The following SUGCT variants were observed in gnomAD, a reference collection of about 807,000 sequenced individuals.
SUGCT encodes the protein succinyl-CoA:glutarate CoA-transferase.
A neutral mutation model predicts 55.0 loss-of-function variants in SUGCT; 41 were observed. That is an observed-to-expected ratio of 0.74 (90% CI 0.58 to 0.97). The LOEUF (loss-of-function observed/expected upper bound fraction) is 0.97, where lower values mean the gene tolerates loss of function less well. Among genes scored for constraint, SUGCT ranks in the 50% least tolerant of loss-of-function variants. The pLI is 0.00. For synonymous variants in SUGCT, 187 were observed against 200.4 expected (o/e 0.93, Z 0.56); for missense variants, 568 against 547.8 (o/e 1.04, Z -0.37).
At chr7:40,249,690 C>CT (rs1275176414) in intron 7 of SUGCT, among the ~76,000 whole-genome samples, 1 of 152,012 alleles carries the variant, frequency 6.6e-6, no homozygotes, top group Non-Finnish European at 1.5e-5. Flanking sequence ...CATGACACTG[C>CT]TTAAATATAT....
chr7:40,968,860 A>C, the SUGCT span, among the ~76,000 whole-genome samples: 1 of 152,138 alleles, frequency 6.6e-6, no homozygotes, highest in East Asian at 1.9e-4. Flanking sequence ...TGGCACCCAG[A>C]CCCCACAGAC....
chr7:40,381,545 T>C (rs1395648566), intron 9 of SUGCT, among the ~76,000 whole-genome samples: 1 of 152,122 alleles, frequency 6.6e-6, no homozygotes. Context: ...TGACTCGTGG[T>C]TCCGAAAAAA....
chr7:40,415,775 A>G (rs909133138), intron 9 of SUGCT, among the ~76,000 whole-genome samples: 51 of 152,110 alleles, frequency 3.4e-4, no homozygotes, highest in African/African-American at 1.1e-3. Flanking sequence ...AGAATTCTAC[A>G]TGGAATATAT....
At chr7:41,018,515 C>T in the SUGCT span, among the ~76,000 whole-genome samples, 1 of 152,186 alleles carries the variant, frequency 6.6e-6, no homozygotes, top group African/African-American at 2.4e-5. Context: ...AGAGATTTAT[C>T]CTAAAACCAA....
intron 11 of SUGCT, among the ~76,000 whole-genome samples, chr7:40,464,171 TTC>T (rs1789970050): frequency 6.6e-6 from 1 of 152,174 alleles, no homozygotes; most frequent in Non-Finnish European, 1.5e-5. Context: ...ATTTATTTTA[TTC>T]TCTCTCTCTT....
chr7:40,219,332 C>T (rs1377350314), intron 6 of SUGCT, among the ~76,000 whole-genome samples: 2 of 152,164 alleles, frequency 1.3e-5, no homozygotes, highest in Admixed American at 6.5e-5. Context: ...CAAGAACCCA[C>T]CAATTCCGGA....
At chr7:40,362,498 A>C (rs916121804) in intron 9 of SUGCT, among the ~76,000 whole-genome samples, 1 of 152,064 alleles carries the variant, frequency 6.6e-6, no homozygotes, top group African/African-American at 2.4e-5. Context: ...CAGCACCATC[A>C]ACCTGCTGTG....
chr7:40,935,362 A>T, the SUGCT span, among the ~76,000 whole-genome samples: 1 of 152,186 alleles, frequency 6.6e-6, no homozygotes, highest in Non-Finnish European at 1.5e-5. Flanking sequence ...CATTTTCATC[A>T]TCCCCCAAAG....
At chr7:40,538,235 G>T (rs1409026399) in intron 12 of SUGCT, 1 of 152,078 alleles carries the variant, frequency 6.6e-6, no homozygotes, top group Non-Finnish European at 1.5e-5. Context: ...TACAGTAAAG[G>T]TAATGAACAT....
intron 6 of SUGCT, among the ~76,000 whole-genome samples, chr7:40,209,640 C>T (rs1787214742): frequency 2.0e-5 from 3 of 152,038 alleles, no homozygotes; most frequent in Non-Finnish European, 4.4e-5. Context: ...CTACTAAATA[C>T]AAAAAATTAT....
At chr7:40,651,042 G>T (rs1344714693) in intron 12 of SUGCT, among the ~76,000 whole-genome samples, 1 of 152,140 alleles carries the variant, frequency 6.6e-6, no homozygotes, top group Non-Finnish European at 1.5e-5. Flanking sequence ...CCTGCAAAAG[G>T]ACATGATCTC....
chr7:40,856,932 A>G (rs1324791919), intron 13 of SUGCT, among the ~76,000 whole-genome samples: 1 of 152,152 alleles, frequency 6.6e-6, no homozygotes, highest in East Asian at 1.9e-4. Flanking sequence ...TTATTTTTAC[A>G]TACATTTCTT....
At position 40,245,437 on chromosome 7, in the gene SUGCT, T is replaced by TATTA. The variant is rs1307501337; in HGVS notation, c.576+7711_576+7712insATTA. 1.4e-4 allele frequency among the ~76,000 whole-genome samples: 8 copies of TATTA among 56,510 alleles called. 2 individuals are homozygous for TATTA. Among genetic ancestry groups the TATTA allele is most frequent in the Non-Finnish European group, 2.8e-4 (8 of 28,950 alleles). The allele number at this position is 56,510 out of a possible 152,430, so 37.1% of individuals were successfully genotyped here. On this transcript the variant is annotated intron_variant, in intron 7 of 13. Coordinates refer to ENST00000335693, the MANE Select transcript of SUGCT (RefSeq NM_001193313.2). ...TATATATATATATTTTTTTTTTTTT[T>TATTA]TTTTTTTTTTTTTTTTTTTTGAGAT...
At chr7:40,238,113 C>T (rs1318099365) in intron 7 of SUGCT, among the ~76,000 whole-genome samples, 1 of 152,014 alleles carries the variant, frequency 6.6e-6, no homozygotes, top group Non-Finnish European at 1.5e-5. Flanking sequence ...TAGACTAGAC[C>T]ACGGATGTCC....
At chr7:41,010,972 A>G in the SUGCT span, among the ~76,000 whole-genome samples, 1 of 152,222 alleles carries the variant, frequency 6.6e-6, no homozygotes, top group South Asian at 2.1e-4. Context: ...GTTAAAAAAC[A>G]AACAAACAAA....
At chr7:40,550,836 C>T (rs767118121) in intron 12 of SUGCT, among the ~76,000 whole-genome samples, 3 of 152,102 alleles carry the variant, frequency 2.0e-5, no homozygotes, top group Non-Finnish European at 4.4e-5. Context: ...TTTCAGAGTT[C>T]ACATACATTT....
intron 12 of SUGCT, among the ~76,000 whole-genome samples, chr7:40,603,913 G>A (rs1031516652): frequency 2.6e-5 from 4 of 152,088 alleles, no homozygotes; most frequent in Non-Finnish European, 5.9e-5. Context: ...GTGGCTTCTC[G>A]TGAGTTTAAG....
At chr7:40,182,074 A>G (rs1242661754) in intron 3 of SUGCT, 46 bp downstream of exon 3, 1 of 1,121,468 alleles carries the variant, frequency 8.9e-7, no homozygotes, top group East Asian at 2.6e-5. Flanking sequence ...GCTAATAAAT[A>G]TTTTAAAATA....
chr7:40,140,089 A>T (rs1787906442), intron 1 of SUGCT, among the ~76,000 whole-genome samples: 1 of 151,910 alleles, frequency 6.6e-6, no homozygotes, highest in Non-Finnish European at 1.5e-5. Flanking sequence ...TGTTTAGTAG[A>T]GACAGGGTTT....
Sources: gnomAD v4.1 joint callset for allele counts (sites outside exome capture counted in the v4.1 genomes callset) on GRCh38, gnomAD v4.1.1 for gene constraint, MANE v1.5 for transcripts, NCBI Gene and HGNC (gene_info 2026-07-23, HGNC 2026-07-21) for gene names.